Variants in GHR observed in about 807,000 individuals in gnomAD.
The protein encoded by GHR is GH receptor.
A neutral mutation model predicts 67.1 loss-of-function variants in GHR; 35 were observed. The ratio of observed to expected loss-of-function variants is 0.52; its 90% CI spans 0.40 to 0.69. The LOEUF is 0.69. Among genes scored for constraint, GHR ranks in the 30% least tolerant of loss-of-function variants. GHR has a pLI of 0.00. For synonymous variants in GHR, 272 were observed against 269.1 expected, an observed-to-expected ratio of 1.01 and a Z score of -0.10; for missense variants, 792 against 764.6, an observed-to-expected ratio of 1.04 and a Z score of -0.42.
At chr5:42,508,543 C>A (rs560341227) in intron 1 of GHR, among the ~76,000 whole-genome samples, 1 of 152,142 alleles carries the variant, frequency 6.6e-6, no homozygotes, top group Non-Finnish European at 1.5e-5. Flanking sequence ...GGATATTACA[C>A]ATTGCACCTA....
At chr5:42,497,222 T>G (rs1746358253) in intron 1 of GHR, among the ~76,000 whole-genome samples, 3 of 152,240 alleles carry the variant, frequency 2.0e-5, no homozygotes, top group Admixed American at 2.0e-4. Flanking sequence ...CTTATTTATC[T>G]TAACCTTTTT....
chr5:42,500,082 C>T (rs1281291733), intron 1 of GHR, among the ~76,000 whole-genome samples: 1 of 152,174 alleles, frequency 6.6e-6, no homozygotes, highest in East Asian at 1.9e-4. Context: ...GACAGTAGCT[C>T]ATTTGGACCC....
At chr5:42,591,324 T>C (rs1485008266) in intron 2 of GHR, among the ~76,000 whole-genome samples, 1 of 152,244 alleles carries the variant, frequency 6.6e-6, no homozygotes, top group African/African-American at 2.4e-5. Flanking sequence ...TTTGACCCTG[T>C]CTGAGACAAC....
intron 3 of GHR, among the ~76,000 whole-genome samples, chr5:42,680,338 T>C (rs990932253): frequency 6.6e-6 from 1 of 152,236 alleles, no homozygotes; most frequent in African/African-American, 2.4e-5. Flanking sequence ...GTAACCATTC[T>C]TCTCTTCTAA....
chr5:42,475,389 C>G (rs1745257344), intron 1 of GHR, among the ~76,000 whole-genome samples: 1 of 151,894 alleles, frequency 6.6e-6, no homozygotes, highest in African/African-American at 2.4e-5. Context: ...GCAGAGACCC[C>G]TTCCAGGGTC....
At chr5:42,507,231 T>C (rs13153388) in intron 1 of GHR, among the ~76,000 whole-genome samples, 1 of 152,012 alleles carries the variant, frequency 6.6e-6, no homozygotes, top group Non-Finnish European at 1.5e-5. Flanking sequence ...AATAGAAAAA[T>C]ATTTCAGTGA....
intron 3 of GHR, among the ~76,000 whole-genome samples, chr5:42,677,603 C>T (rs1040724690): frequency 1.3e-5 from 2 of 152,172 alleles, no homozygotes; most frequent in Non-Finnish European, 2.9e-5. Context: ...AGTATCACCA[C>T]CTACTCCAAG....
At chr5:42,467,868 C>G (rs748680726) in intron 1 of GHR, 100 of 895,256 alleles carry the variant, frequency 1.1e-4, no homozygotes, top group Non-Finnish European at 1.6e-4. Flanking sequence ...CTGTATTTTC[C>G]CACAGATTTC....
intron 3 of GHR, among the ~76,000 whole-genome samples, chr5:42,675,582 G>T (rs1190997737): frequency 2.0e-5 from 3 of 152,202 alleles, no homozygotes; most frequent in Admixed American, 6.5e-5. Context: ...GGAGAAGGAA[G>T]ATTTGAGTGC....
intron 1 of GHR, among the ~76,000 whole-genome samples, chr5:42,478,861 T>C (rs1745470698): frequency 6.6e-6 from 1 of 152,224 alleles, no homozygotes; most frequent in Non-Finnish European, 1.5e-5. Flanking sequence ...CTTTTCCTAA[T>C]TGAATACCCT....
chr5:42,465,806 C>G lies in GHR; in HGVS notation c.-12+41851C>G. The G allele has an allele frequency of 1.0e-5, 8 of 782,554 alleles. No individual in the cohort carries two copies. In the South Asian group the frequency reaches 1.1e-4, roughly 11 times the overall value. The allele number at this position is 782,554 out of a possible 1,614,324, so 48.5% of individuals were successfully genotyped here. A position where few individuals can be genotyped will look rare whatever the true frequency, so the allele number is the denominator to read the frequency against. On this transcript the variant is annotated intron_variant, in intron 1 of 9. Coordinates refer to ENST00000230882, the MANE Select transcript of GHR (RefSeq NM_000163.5). ...TTCACGTCCACTGCCCTCTCGACCT[C>G]TTCCAAGACCACCATGACCTTGAAT...
chr5:42,501,369 T>G (rs1227495181), intron 1 of GHR, among the ~76,000 whole-genome samples: 2 of 152,162 alleles, frequency 1.3e-5, no homozygotes, highest in Non-Finnish European at 2.9e-5. Flanking sequence ...GCTTTTTTTT[T>G]TATCATTACA....
intron 1 of GHR, among the ~76,000 whole-genome samples, chr5:42,447,703 C>T (rs909812979): frequency 8.9e-6 from 1 of 112,394 alleles, no homozygotes; most frequent in Admixed American, 1.1e-4. Context: ...CTCCCTCTAT[C>T]TCTCCCTCCC....
At chr5:42,433,732 A>ATTTTTTTTTTTTTTTTTTTT (rs35539827) in intron 1 of GHR, among the ~76,000 whole-genome samples, 4 of 77,584 alleles carry the variant, frequency 5.2e-5, no homozygotes, top group African/African-American at 5.4e-5. Flanking sequence ...AAGATATGGT[A>ATTTTTTTTTTTTTTTTTTTT]TTTTTTTTTT....
At chr5:42,436,322 T>C (rs989142046) in intron 1 of GHR, among the ~76,000 whole-genome samples, 1 of 152,140 alleles carries the variant, frequency 6.6e-6, no homozygotes, top group Non-Finnish European at 1.5e-5. Context: ...CTCCCACACT[T>C]CTCCACTTGC....
rs555399232 is a variant in GHR at position 42,471,716 on chromosome 5, C to A, written c.-12+47761C>A. ...TAGCTGGTCTGCAACAAGTACTATA[C>A]GTCTTTGTTTAAATAATAAATAAAA... On this transcript the variant is annotated intron_variant, in intron 1 of 9. Transcript: ENST00000230882. Among the ~76,000 whole-genome samples the A allele has an allele frequency of 2.6e-5, 4 of 152,280 alleles. No individual in the cohort carries two copies. In the East Asian group the frequency reaches 7.7e-4, roughly 29 times the overall value.
intron 1 of GHR, among the ~76,000 whole-genome samples, chr5:42,534,452 A>G (rs1486453862): frequency 1.4e-5 from 2 of 140,956 alleles, no homozygotes; most frequent in African/African-American, 5.6e-5. Flanking sequence ...ATGTGTATAT[A>G]TGTATGTATA....
intron 5 of GHR, among the ~76,000 whole-genome samples, chr5:42,695,329 C>G (rs530248480): frequency 1.3e-5 from 2 of 152,242 alleles, no homozygotes; most frequent in East Asian, 3.9e-4. Context: ...AGAATAGGAA[C>G]CTTGTGGAGT....
intron 1 of GHR, among the ~76,000 whole-genome samples, chr5:42,505,152 T>C (rs1305582442): frequency 6.6e-6 from 1 of 151,832 alleles, no homozygotes; most frequent in Non-Finnish European, 1.5e-5. Flanking sequence ...CTTTCTTTTT[T>C]TGCCTTATAA....
Sources: allele counts gnomAD v4.1 joint callset (sites outside exome capture counted in the v4.1 genomes callset), GRCh38; gene constraint gnomAD v4.1.1; transcripts MANE v1.5; gene names NCBI Gene and HGNC (gene_info 2026-07-23, HGNC 2026-07-21).